Variants in CEP350 observed in about 807,000 individuals in gnomAD.
CEP350 encodes the protein centrosomal protein 350, also known as centrosome-associated protein 350.
A neutral mutation model predicts 331.8 loss-of-function variants in CEP350; 126 were observed. The ratio of observed to expected loss-of-function variants is 0.38; its 90% CI spans 0.33 to 0.44. The LOEUF (loss-of-function observed/expected upper bound fraction) is 0.44, where lower values mean the gene tolerates loss of function less well. Ranked by LOEUF, CEP350 falls within the 20% of genes least tolerant of loss-of-function variation. The pLI, the probability that CEP350 is intolerant of heterozygous loss-of-function variation, is 1.00. For synonymous variants in CEP350, 1,200 were observed against 1,259.5 expected (o/e 0.95, Z 1.00); for missense variants, 3,406 against 3,634.6 (o/e 0.94, Z 1.62).
intron 5 of CEP350, among the ~76,000 whole-genome samples, chr1:179,992,856 A>C (rs1427804300): frequency 1.3e-5 from 2 of 152,198 alleles, no homozygotes; most frequent in Admixed American, 1.3e-4. Context: ...CAGTGCATTC[A>C]TGCTCTTATA....
intron 25 of CEP350, among the ~76,000 whole-genome samples, chr1:180,056,586 A>G (rs564600224): frequency 2.7e-3 from 401 of 148,522 alleles, no homozygotes; most frequent in African/African-American, 9.4e-3. Flanking sequence ...CCTCTCACCT[A>G]AGCCTCCCCT....
At chr1:180,035,291 T>C (rs918039214) in intron 16 of CEP350, among the ~76,000 whole-genome samples, 3 of 152,224 alleles carry the variant, frequency 2.0e-5, no homozygotes, top group African/African-American at 7.2e-5. Flanking sequence ...CAAGTGCTAA[T>C]GTAGAAGTTG....
rs1305244284 is a variant in CEP350, at chr1:180,111,680, C to CTT, written c.*523_*524dup. ...TCACATTCTGGAGTTTATTTCATTT[C>CTT]TTTTTGAAGACCATTTTCTTCCATT... On this transcript the variant is annotated 3_prime_UTR_variant, in exon 38 of 38. Coordinates refer to ENST00000367607, the MANE Select transcript of CEP350 (RefSeq NM_014810.5). The CTT allele has an allele frequency of 6.6e-6, 1 of 152,662 alleles. No homozygotes were observed. The highest frequency in any genetic ancestry group is 1.5e-5 in the Non-Finnish European group (1 of 68,078). The allele number at this position is 152,662 out of a possible 1,614,324, so 9.5% of individuals were successfully genotyped here. A position where few individuals can be genotyped will look rare whatever the true frequency, so the allele number is the denominator to read the frequency against.
chr1:180,071,664 C>T (rs1254600281), intron 27 of CEP350, among the ~76,000 whole-genome samples: 1 of 151,672 alleles, frequency 6.6e-6, no homozygotes. Flanking sequence ...GTGCCTTTAA[C>T]CCCAGCTACT....
At chr1:179,971,170 A>G (rs1168289670) in intron 1 of CEP350, among the ~76,000 whole-genome samples, 2 of 152,034 alleles carry the variant, frequency 1.3e-5, no homozygotes, top group African/African-American at 4.8e-5. Flanking sequence ...CTGGGACTAC[A>G]GGCACATGCC....
intron 7 of CEP350, among the ~76,000 whole-genome samples, chr1:180,004,906 G>GCTTTCTTTCTTTCTTT (rs1158546433): frequency 0.015 from 1,943 of 130,744 alleles, 52 homozygotes; most frequent in African/African-American, 0.018. Context: ...TTGCTTGCTT[G>GCTTTCTTTCTTTCTTT]CTTTCTTTCT....
chr1:180,002,597 A>G (rs1653940373), intron 6 of CEP350, among the ~76,000 whole-genome samples: 1 of 152,218 alleles, frequency 6.6e-6, no homozygotes, highest in Non-Finnish European at 1.5e-5. Context: ...CAGGAATTCT[A>G]CTTCTAGATA....
chr1:180,053,351 A>AT (rs1374773245), intron 23 of CEP350, among the ~76,000 whole-genome samples, 185 bp downstream of exon 23: 1 of 152,184 alleles, frequency 6.6e-6, no homozygotes, highest in Non-Finnish European at 1.5e-5. Flanking sequence ...ATACAAACTT[A>AT]TTTTTTGGAA....
At chr1:180,028,767 G>T (rs752965483) in intron 14 of CEP350, among the ~76,000 whole-genome samples, 5 of 151,756 alleles carry the variant, frequency 3.3e-5, no homozygotes, top group Non-Finnish European at 5.9e-5. Flanking sequence ...TCATGCTACT[G>T]CACTCCAGCC....
At position 179,972,026 on chromosome 1, in the gene CEP350, T is replaced by C. The variant is rs186673681; in HGVS notation, c.-13-14143T>C. On this transcript the variant is annotated intron_variant, in intron 1 of 37. Coordinates refer to ENST00000367607, the MANE Select transcript of CEP350 (RefSeq NM_014810.5). Reference sequence around the variant, plus strand: ...GTCATCTCTTCTTGAGGTCACCTTTTCTTGTAGTTGTTTCTGGTTTATGCA... The same window carrying C: ...GTCATCTCTTCTTGAGGTCACCTTTCCTTGTAGTTGTTTCTGGTTTATGCA... 3.9e-5 allele frequency among the ~76,000 whole-genome samples: 6 copies of C among 152,276 alleles called. No individual in the cohort carries two copies. The East Asian group carries it at 9.7e-4, about 25-fold the overall frequency.
intron 27 of CEP350, among the ~76,000 whole-genome samples, chr1:180,065,746 A>G (rs186721531): frequency 0.012 from 1,830 of 152,140 alleles, 24 homozygotes; most frequent in Non-Finnish European, 0.014. Context: ...TGACAGAGCT[A>G]GACCCTGTCC....
chr1:180,097,767 T>C lies in CEP350; in HGVS notation c.9067-1096T>C, dbSNP rs540802911. On this transcript the variant is annotated intron_variant, in intron 36 of 37. Coordinates refer to ENST00000367607, the MANE Select transcript of CEP350 (RefSeq NM_014810.5). ...GTTAGTAGTAAAATTATTATGCTTC[T>C]CATACTGAAGTGTTGATATTTTTTA... Among the ~76,000 whole-genome samples, 202 of 152,286 alleles carry C rather than the reference T, an allele frequency of 1.3e-3. 1 individual carries two copies. Among genetic ancestry groups the C allele is most frequent in the African/African-American group, 4.6e-3 (193 of 41,528 alleles).
chr1:179,955,399 C>T (rs1381354672), intron 1 of CEP350, among the ~76,000 whole-genome samples: 1 of 152,210 alleles, frequency 6.6e-6, no homozygotes, highest in Middle Eastern at 3.2e-3. Context: ...CCTCCTCCAC[C>T]CCTCCTCTAG....
chr1:180,089,323 C>T (rs576238803), intron 32 of CEP350, among the ~76,000 whole-genome samples: 6 of 152,256 alleles, frequency 3.9e-5, no homozygotes, highest in East Asian at 1.9e-4. Flanking sequence ...CGGTGGCTCA[C>T]GCCTGTAATC....
intron 6 of CEP350, among the ~76,000 whole-genome samples, chr1:180,002,202 G>A (rs1237368596): frequency 4.6e-5 from 7 of 152,208 alleles, no homozygotes; most frequent in Non-Finnish European, 5.9e-5. Context: ...GACTTGGCGC[G>A]GTGGCTCATG....
intron 7 of CEP350, among the ~76,000 whole-genome samples, chr1:180,005,766 C>T (rs958039889): frequency 6.6e-6 from 1 of 152,024 alleles, no homozygotes; most frequent in African/African-American, 2.4e-5. Flanking sequence ...TTTTTCAGTC[C>T]ACTCACACTG....
Position 179,997,082 on chromosome 1 carries a change from A to G in CEP350, c.925A>G (p.Ile309Val), listed in dbSNP as rs1287627509. ...TNGRGQKLGH[I>V]DHPVMVVNVD... is the part of the protein sequence containing the mutation. ...TGGCCGGGGCCAGAAGCTGGGTCAT[A>G]TTGACCATCCAGTAATGGTTGTTAA... The change falls in exon 6 of 38, where the codon ATT (isoleucine) becomes GTT (valine). Residue 309 changes from isoleucine to valine, a missense_variant. Physicochemically the swap from Ile to Val is conservative, Grantham distance 29 (BLOSUM62 3). This residue lies in a region of CEP350 where 1,857 missense variants were observed against 1,909.2 expected (regional missense o/e 0.97). Coordinates refer to ENST00000367607, the MANE Select transcript of CEP350 (RefSeq NM_014810.5). 6.2e-7 allele frequency: 1 copy of G among 1,613,922 alleles called. No individual in the cohort carries two copies. The highest frequency in any genetic ancestry group is 1.3e-5 in the African/African-American group (1 of 74,950).
intron 27 of CEP350, among the ~76,000 whole-genome samples, chr1:180,068,824 T>C (rs1658704925): frequency 6.6e-6 from 1 of 152,170 alleles, no homozygotes; most frequent in African/African-American, 2.4e-5. Flanking sequence ...TTCTCAAGCT[T>C]AGAGTGTAGA....
intron 27 of CEP350, among the ~76,000 whole-genome samples, chr1:180,072,938 G>A (rs1441659115): frequency 6.6e-6 from 1 of 152,028 alleles, no homozygotes; most frequent in African/African-American, 2.4e-5. Flanking sequence ...CTTTCCAAAG[G>A]TACTACTAGA....
Sources: allele counts gnomAD v4.1 joint callset (sites outside exome capture counted in the v4.1 genomes callset), GRCh38; gene constraint gnomAD v4.1.1; regional missense constraint gnomAD v4.1.1; transcripts MANE v1.5; gene names NCBI Gene and HGNC (gene_info 2026-07-23, HGNC 2026-07-21).